The following FAT1 variants were observed in gnomAD, a reference collection of about 807,000 sequenced individuals.
FAT1 encodes the protein protocadherin Fat 1.
Under a neutral mutation model 329.8 loss-of-function variants are expected in FAT1, and 171 were observed. The observed-to-expected ratio is 0.52, with a 90% CI of 0.46 to 0.59. The LOEUF is 0.59. Ranked by LOEUF, FAT1 falls within the 20% of genes least tolerant of loss-of-function variation. The probability of loss-of-function intolerance (pLI) is 0.00; values close to 1 mark genes in which losing one functional copy is unlikely to be tolerated. For missense variants in FAT1, 5,672 were observed against 5,774.4 expected, an observed-to-expected ratio of 0.98 and a Z score of 0.57; for synonymous variants, 2,233 against 2,228.6, an observed-to-expected ratio of 1.00 and a Z score of -0.06.
chr4:186,619,508 C>A lies in FAT1; in HGVS notation c.7078G>T (p.Val2360Leu), dbSNP rs778564100. ...YEQSRQHTIF[V>L]RAVDGGMPTL... ...GGCATACCACCATCAACTGCCCTCA[C>A]AAAAATCGTGTGCTGCCGGGACTGC... Residue 2360 changes from valine to leucine, a missense_variant, in exon 10 of 27, where the codon GTG becomes TTG. Val to Leu is a conservative substitution (Grantham distance 32). Transcript: ENST00000441802. The A allele has an allele frequency of 1.2e-6, 2 of 1,613,828 alleles. No individual in the cohort carries two copies. Among genetic ancestry groups the A allele is most frequent in the African/African-American group, 2.7e-5 (2 of 74,904 alleles).
intron 10 of FAT1, 22 bp downstream of exon 10, chr4:186,617,686 G>C (rs770643821): frequency 6.6e-7 from 1 of 1,513,038 alleles, no homozygotes; most frequent in South Asian, 1.3e-5. Context: ...TAATTAAACC[G>C]TTTGGTATGA....
intron 1 of FAT1, among the ~76,000 whole-genome samples, chr4:186,711,907 T>G (rs1744978256): frequency 6.6e-6 from 1 of 152,134 alleles, no homozygotes; most frequent in Non-Finnish European, 1.5e-5. Flanking sequence ...GCAACAGAGC[T>G]AGACTCTGTC....
chr4:186,621,373 T>C lies in FAT1; in HGVS notation c.5213A>G (p.Gln1738Arg), dbSNP rs756726302. 1.9e-6 allele frequency: 3 copies of C among 1,614,010 alleles called. No homozygotes were observed. Among genetic ancestry groups the C allele is most frequent in the South Asian group, 1.1e-5 (1 of 91,076 alleles). The change falls in exon 10 of 27, where the codon CAA (glutamine) becomes CGA (arginine). Residue 1738 changes from glutamine (Q) to arginine (R), a missense_variant. By Grantham distance (43) the Gln-to-Arg change is conservative. This residue lies in a region of FAT1 where 3,966 missense variants were observed against 3,915.2 expected (regional missense o/e 1.01). Coordinates refer to ENST00000441802, the MANE Select transcript of FAT1 (RefSeq NM_005245.4). ...GGACAAACCAGCCATGTTAGTTCCT[T>C]GTATTATCAATGTGTAAATGGGCAA... Reference protein sequence around the residue: ...ETLPIYTLIIQGTNMAGLSTN... With the variant: ...ETLPIYTLIIRGTNMAGLSTN...
chr4:186,641,834 C>G (rs1741109950), intron 3 of FAT1, among the ~76,000 whole-genome samples: 1 of 152,032 alleles, frequency 6.6e-6, no homozygotes, highest in African/African-American at 2.4e-5. Flanking sequence ...TGGCGAAACC[C>G]TGTCTCTACC....
Position 186,652,586 on chromosome 4 carries a change from C to G in FAT1, c.3580+10713G>C, listed in dbSNP as rs115007119. The stretch of plus-strand genomic sequence containing the variant: ...GAGATAGGAAAAAAATCTACAGATT[C>G]CTCCTTAAAATATCTGCGTATCTTG... On this transcript the variant is annotated intron_variant, in intron 3 of 26. Transcript: ENST00000441802. Among the ~76,000 whole-genome samples, 1,319 of 152,222 alleles carry G rather than the reference C, an allele frequency of 8.7e-3. 22 individuals carry two copies. Among genetic ancestry groups the G allele is most frequent in the African/African-American group, 0.031 (1,269 of 41,532 alleles).
chr4:186,604,713 A>T (rs769698288), intron 17 of FAT1, 139 bp from the exon 18 acceptor site: 94 of 567,032 alleles, frequency 1.7e-4, no homozygotes, highest in Non-Finnish European at 2.3e-4. Context: ...GAAGAGAAGA[A>T]AGGTGGAGAC....
intron 12 of FAT1, among the ~76,000 whole-genome samples, chr4:186,613,817 A>T (rs1189770315): frequency 2.0e-5 from 3 of 152,256 alleles, no homozygotes; most frequent in African/African-American, 7.2e-5. Flanking sequence ...ATTCTAAATT[A>T]TGCTAAGTTA....
At position 186,711,213 on chromosome 4, in the gene FAT1, C is replaced by T. The variant is rs555371832; in HGVS notation, c.-18-1368G>A. Among the ~76,000 whole-genome samples the T allele has an allele frequency of 1.1e-4, 16 of 152,152 alleles. 1 individual carries two copies. The East Asian group carries it at 3.1e-3, about 29-fold the overall frequency. On this transcript the variant is annotated intron_variant, in intron 1 of 26. Transcript: ENST00000441802. ...GCCAACTCTGCCCCATAAGTCATTG[C>T]CTTAGGGGGAAAAAAAGACCTGATG... is the stretch of plus-strand genomic sequence containing the variant.
intron 2 of FAT1, among the ~76,000 whole-genome samples, chr4:186,682,543 AAG>A (rs1743274839): frequency 6.8e-6 from 1 of 146,056 alleles, no homozygotes; most frequent in Admixed American, 6.9e-5. Flanking sequence ...AAAAAAAAAA[AAG>A]AAAGTTGTAA....
chr4:186,636,886 G>T lies in FAT1; in HGVS notation c.3671C>A (p.Pro1224His), dbSNP rs746739063. The change falls in exon 5 of 27, where the codon CCC (proline) becomes CAC (histidine). Residue 1224 changes from proline to histidine, a missense_variant. By Grantham distance (77) the Pro-to-His change is moderately conservative. Around this residue, in one of 2 missense-constraint regions of FAT1, gnomAD observed 3,966 missense variants for 3,915.2 expected, o/e 1.01. Coordinates refer to ENST00000441802, the MANE Select transcript of FAT1 (RefSeq NM_005245.4). Reference protein sequence around the residue: ...EVTVTDNGSPPKSTIARVIVK... With the variant: ...EVTVTDNGSPHKSTIARVIVK... The stretch of plus-strand genomic sequence containing the variant: ...AATGACTCTTGCAATGGTTGATTTG[G>T]GGGGACTACCATTGTCTGTCACAGT... 9 of 1,612,548 alleles carry T rather than the reference G, an allele frequency of 5.6e-6. No individual in the cohort carries two copies.
At position 186,603,371 on chromosome 4, in the gene FAT1, CG is replaced by C; in HGVS notation, c.11154del (p.Val3719Ter). ...CCAATGATTTCCTCAATGTCAGTCA[CG>C]GAAGAGTTAATCTTGTGCAGAAGTT... ...TKQLLHKINS[S>X]VTDIEEIIGV... On this transcript the variant is annotated frameshift_variant, in exon 19 of 27. Transcript: ENST00000441802. LOFTEE classifies it high-confidence loss of function. 6.2e-7 allele frequency: 1 copy of C among 1,613,988 alleles called. No homozygotes were observed. The highest frequency in any genetic ancestry group is 8.5e-7 in the Non-Finnish European group (1 of 1,179,888).
rs775248043 is a variant in FAT1 at position 186,595,833 on chromosome 4, G to C, written c.13001-7C>G. Reference sequence around the variant, plus strand: ...TCAAGATCCACCACTTTTGCTAAAAGGAAGGATGACAAACAGTAAGTATAT... The same window carrying C: ...TCAAGATCCACCACTTTTGCTAAAACGAAGGATGACAAACAGTAAGTATAT... On this transcript the variant is annotated splice_region_variant and splice_polypyrimidine_tract_variant and intron_variant, in intron 25 of 26. Transcript: ENST00000441802. The C allele has an allele frequency of 5.0e-6, 8 of 1,613,660 alleles. No individual in the cohort carries two copies. In the South Asian group the frequency reaches 5.5e-5, roughly 11 times the overall value.
chr4:186,591,237 T>A (rs1560913217), intron 26 of FAT1, among the ~76,000 whole-genome samples: 2 of 152,216 alleles, frequency 1.3e-5, no homozygotes, highest in South Asian at 4.1e-4. Flanking sequence ...ACTGTGAAAG[T>A]AGACATCACA....
At chr4:186,662,891 C>T (rs1325074722) in intron 3 of FAT1, among the ~76,000 whole-genome samples, 2 of 151,862 alleles carry the variant, frequency 1.3e-5, no homozygotes, top group Non-Finnish European at 2.9e-5. Flanking sequence ...GGCTGGAGTG[C>T]AGTGGCACCA....
At chr4:186,632,429 TATG>T (rs1740642427) in intron 7 of FAT1, among the ~76,000 whole-genome samples, 1 of 152,200 alleles carries the variant, frequency 6.6e-6, no homozygotes, top group Non-Finnish European at 1.5e-5. Flanking sequence ...TATTACAATT[TATG>T]ATGTTTTTAT....
intron 21 of FAT1, among the ~76,000 whole-genome samples, chr4:186,600,909 G>C (rs1010508691): frequency 2.6e-5 from 4 of 152,292 alleles, no homozygotes; most frequent in Non-Finnish European, 5.9e-5. Context: ...AGCAGGTTTT[G>C]CCATGCTGGC....
chr4:186,670,239 A>G (rs930440759), intron 2 of FAT1, among the ~76,000 whole-genome samples: 9 of 152,094 alleles, frequency 5.9e-5, no homozygotes, highest in African/African-American at 2.2e-4. Flanking sequence ...TGCAAACGCT[A>G]CCCTCCTTTC....
chr4:186,667,585 A>G (rs1468485397), intron 2 of FAT1, among the ~76,000 whole-genome samples: 1 of 152,186 alleles, frequency 6.6e-6, no homozygotes, highest in East Asian at 1.9e-4. Flanking sequence ...ACTTACGGAG[A>G]ACTATAAAGT....
At chr4:186,696,066 C>T (rs1206354535) in intron 2 of FAT1, among the ~76,000 whole-genome samples, 1 of 152,232 alleles carries the variant, frequency 6.6e-6, no homozygotes, top group African/African-American at 2.4e-5. Flanking sequence ...GTTGGGATTA[C>T]AGGCGGGAGC....
Sources: allele counts gnomAD v4.1 joint callset (sites outside exome capture counted in the v4.1 genomes callset), GRCh38; gene constraint gnomAD v4.1.1; regional missense constraint gnomAD v4.1.1; transcripts MANE v1.5; gene names NCBI Gene and HGNC (gene_info 2026-07-23, HGNC 2026-07-21).